MCC: variants seen among roughly 807,000 people sequenced by gnomAD.
The protein encoded by MCC is colorectal mutant cancer protein.
A neutral mutation model predicts 116.2 loss-of-function variants in MCC; 90 were observed. The observed-to-expected ratio is 0.77, with a 90% CI of 0.65 to 0.92. The LOEUF (loss-of-function observed/expected upper bound fraction) is 0.92, where lower values mean the gene tolerates loss of function less well. Among genes scored for constraint, MCC ranks in the 40% least tolerant of loss-of-function variants. MCC has a pLI of 0.00. For missense variants in MCC, 1,516 were observed against 1,312.2 expected, an observed-to-expected ratio of 1.16 and a Z score of -2.40; for synonymous variants, 578 against 510.5, an observed-to-expected ratio of 1.13 and a Z score of -1.78.
At chr5:113,294,519 G>C (rs988370707) in intron 3 of MCC, 7 of 1,491,248 alleles carry the variant, frequency 4.7e-6, no homozygotes, top group Middle Eastern at 3.5e-4. Flanking sequence ...ACCCAGGACA[G>C]TTGCGAAGCG....
intron 2 of MCC, among the ~76,000 whole-genome samples, chr5:113,367,390 A>G (rs1768722270): frequency 6.6e-6 from 1 of 151,864 alleles, no homozygotes; most frequent in South Asian, 2.1e-4. Context: ...AGATGTACAT[A>G]TATTCCATCA....
At chr5:113,039,699 G>A (rs975761168) in intron 17 of MCC, among the ~76,000 whole-genome samples, 7 of 147,398 alleles carry the variant, frequency 4.7e-5, no homozygotes, top group African/African-American at 1.0e-4. Flanking sequence ...CAGCCTTGCC[G>A]TCCCACTCCG....
intron 3 of MCC, among the ~76,000 whole-genome samples, chr5:113,330,514 A>G (rs1454468649): frequency 6.6e-6 from 1 of 152,224 alleles, no homozygotes; most frequent in Non-Finnish European, 1.5e-5. Context: ...AAAAGTCATT[A>G]AGATGTTAAT....
chr5:113,062,374 C>T (rs1001368139), intron 14 of MCC, among the ~76,000 whole-genome samples: 24 of 152,190 alleles, frequency 1.6e-4, no homozygotes, highest in Admixed American at 1.4e-3. Context: ...TAAAATTGTT[C>T]TCCCTCCTGA....
intron 3 of MCC, among the ~76,000 whole-genome samples, chr5:113,250,884 A>C (rs1764775711): frequency 6.6e-6 from 1 of 152,224 alleles, no homozygotes; most frequent in Non-Finnish European, 1.5e-5. Context: ...GGATAGCCTT[A>C]GAAAAACACA....
intron 3 of MCC, among the ~76,000 whole-genome samples, chr5:113,274,386 T>A (rs939120720): frequency 4.6e-5 from 7 of 152,064 alleles, no homozygotes; most frequent in Non-Finnish European, 8.8e-5. Flanking sequence ...TGAGATGGAG[T>A]TTTGTTCTTG....
At chr5:113,171,329 C>T (rs1409261015) in intron 3 of MCC, among the ~76,000 whole-genome samples, 1 of 150,810 alleles carries the variant, frequency 6.6e-6, no homozygotes, top group Non-Finnish European at 1.5e-5. Flanking sequence ...GGCAAAAATG[C>T]ACAGAGACAA....
chr5:113,309,599 C>T (rs1031177186), intron 3 of MCC, among the ~76,000 whole-genome samples: 4 of 152,174 alleles, frequency 2.6e-5, no homozygotes, highest in African/African-American at 9.7e-5. Context: ...TATATACACA[C>T]ACACCATGTT....
rs532845683 is a variant in MCC, at chr5:113,468,611, G to A, written c.170+19634C>T. On this transcript the variant is annotated intron_variant, in intron 1 of 18. Transcript: ENST00000408903. ...GTATTTTATTGAGGATTTTTGCATC[G>A]ATGTTCATCAAGGATATTGGTCTAA... is the stretch of plus-strand genomic sequence containing the variant. 3.9e-3 allele frequency among the ~76,000 whole-genome samples: 591 copies of A among 151,476 alleles called. 3 individuals carry two copies. The highest frequency in any genetic ancestry group is 0.027 in the East Asian group (138 of 5,152).
intron 1 of MCC, among the ~76,000 whole-genome samples, chr5:113,438,753 C>T (rs1273935042): frequency 6.6e-6 from 1 of 152,116 alleles, no homozygotes; most frequent in African/African-American, 2.4e-5. Context: ...TACAGGGAAG[C>T]TAAAAACACT....
In MCC at chr5:113,434,898, C is replaced by G; in HGVS notation, c.171-49686G>C. The G allele has an allele frequency of 6.5e-7, 1 of 1,544,856 alleles. No individual in the cohort carries two copies. Among genetic ancestry groups the G allele is most frequent in the Non-Finnish European group, 8.7e-7 (1 of 1,145,214 alleles). ...CCTCTACAGCCCCGAGGCGCATGGG[C>G]CAGCAGTGTGCTCATTTACATCCTG... On this transcript the variant is annotated intron_variant, in intron 1 of 18. Coordinates refer to ENST00000408903, the MANE Select transcript of MCC (RefSeq NM_001085377.2). The surrounding 1 kb of genome is among the most constrained non-coding windows in gnomAD (Gnocchi z 4.2).
At chr5:113,184,455 A>G (rs1217751248) in intron 3 of MCC, among the ~76,000 whole-genome samples, 2 of 147,380 alleles carry the variant, frequency 1.4e-5, no homozygotes, top group African/African-American at 2.5e-5. Flanking sequence ...CCACATAGCA[A>G]TTTAGTTTCT....
chr5:113,252,350 C>A (rs903799585), intron 3 of MCC, among the ~76,000 whole-genome samples: 5 of 152,210 alleles, frequency 3.3e-5, no homozygotes, highest in African/African-American at 1.2e-4. Flanking sequence ...CACTCACTAA[C>A]TGAGCTCTGC....
At chr5:113,431,552 G>A (rs1770644681) in intron 1 of MCC, among the ~76,000 whole-genome samples, 1 of 152,194 alleles carries the variant, frequency 6.6e-6, no homozygotes. Flanking sequence ...TATAAATGGG[G>A]TGGGTGAAGG....
intron 3 of MCC, among the ~76,000 whole-genome samples, chr5:113,298,870 T>C (rs1308276705): frequency 6.6e-6 from 1 of 152,208 alleles, no homozygotes; most frequent in Non-Finnish European, 1.5e-5. Flanking sequence ...TGTAATCAGA[T>C]TCTGACTCAA....
At chr5:113,287,137 T>A (rs1267352955) in intron 3 of MCC, among the ~76,000 whole-genome samples, 1 of 152,184 alleles carries the variant, frequency 6.6e-6, no homozygotes, top group Non-Finnish European at 1.5e-5. Flanking sequence ...TGCTATGACA[T>A]CCTCTCACCA....
intron 11 of MCC, among the ~76,000 whole-genome samples, chr5:113,075,409 C>T (rs1475285073): frequency 6.6e-6 from 1 of 152,210 alleles, no homozygotes; most frequent in Non-Finnish European, 1.5e-5. Flanking sequence ...CGCCCAAGGG[C>T]TGAGGAGTGT....
chr5:113,190,533 G>T (rs1224689612), intron 3 of MCC, among the ~76,000 whole-genome samples: 1 of 152,104 alleles, frequency 6.6e-6, no homozygotes, highest in African/African-American at 2.4e-5. Context: ...TAATTCTAAG[G>T]GGGAAAACTT....
Position 113,023,651 on chromosome 5 carries a change from T to G in MCC, c.*3651A>C, listed in dbSNP as rs1246071521. ...GAAGTAGGTAGAGCTGTAAATAGTT[T>G]AATAGAATGATTGGGACATACTCCC... On this transcript the variant is annotated 3_prime_UTR_variant, in exon 19 of 19. Transcript: ENST00000408903. 6.6e-6 allele frequency: 1 copy of G among 152,250 alleles called. No individual in the cohort carries two copies. The highest frequency in any genetic ancestry group is 1.5e-5 in the Non-Finnish European group (1 of 68,042). 9.4% of individuals were successfully genotyped at this position (152,250 alleles called of 1,614,324 possible).
Sources: allele counts gnomAD v4.1 joint callset (sites outside exome capture counted in the v4.1 genomes callset), GRCh38; gene constraint gnomAD v4.1.1; non-coding constraint Gnocchi (gnomAD v3.1); transcripts MANE v1.5; gene names NCBI Gene and HGNC (gene_info 2026-07-23, HGNC 2026-07-21).